The following SFTPC variants were observed in gnomAD, a reference collection of about 807,000 sequenced individuals.
The protein encoded by SFTPC is BRICHOS domain containing 6.
In SFTPC, 12 loss-of-function variants were observed where a neutral mutation model predicts 19.9. The observed-to-expected ratio is 0.60, with a 90% CI of 0.39 to 0.98. SFTPC has a LOEUF of 0.98. Among genes scored for constraint, SFTPC ranks in the 50% least tolerant of loss-of-function variants. The probability of loss-of-function intolerance (pLI) is 0.00; values close to 1 mark genes in which losing one functional copy is unlikely to be tolerated. For synonymous variants in SFTPC, 123 were observed against 103.3 expected, an observed-to-expected ratio of 1.19 and a Z score of -1.16; for missense variants, 219 against 252.2, an observed-to-expected ratio of 0.87 and a Z score of 0.89.
In SFTPC at chr8:22,164,320, A is replaced by C; in HGVS notation, c.*73A>C. 1 of 1,536,180 alleles carries C rather than the reference A, an allele frequency of 6.5e-7. No individual in the cohort carries two copies. The highest frequency in any genetic ancestry group is 8.7e-7 in the Non-Finnish European group (1 of 1,146,914). On this transcript the variant is annotated 3_prime_UTR_variant, in exon 6 of 6. Transcript: ENST00000679463. ...ACGCCCCGGGCAAAGGGTCTTTTGC[A>C]GCTTTTGCAGACGGGCAAGAAGCTG...
At chr8:22,158,574 G>A (rs1324069150), upstream of SFTPC, 2 of 152,268 alleles carry the variant, frequency 1.3e-5, no homozygotes, top group Admixed American at 6.5e-5. Flanking sequence ...TCTGGGCTGT[G>A]TTCTTAGCTA....
At chr8:22,161,777 C>T (rs373338880), upstream of SFTPC, 5 of 1,613,828 alleles carry the variant, frequency 3.1e-6, no homozygotes, top group African/African-American at 5.3e-5. Context: ...ACATATAAGA[C>T]CCTGGTCACA....
intron 1 of SFTPC, among the ~76,000 whole-genome samples, chr8:22,162,253 C>T (rs912665799): frequency 1.1e-4 from 17 of 152,144 alleles, no homozygotes; most frequent in Admixed American, 7.9e-4. Context: ...TCTGTATCAC[C>T]GCATGGAGGT....
chr8:22,162,206 T>C (rs1349368313), intron 1 of SFTPC, among the ~76,000 whole-genome samples: 1 of 151,932 alleles, frequency 6.6e-6, no homozygotes. Flanking sequence ...GCTCGCCCGG[T>C]GGAGAAGGAG....
chr8:22,163,817 C>T (rs12542659), intron 4 of SFTPC, 84 bp from the exon 5 acceptor site: 2 of 1,267,752 alleles, frequency 1.6e-6, no homozygotes, highest in Admixed American at 3.5e-5. Context: ...GAGAGATTGC[C>T]TGATATACCT....
At position 22,164,021 on chromosome 8, in the gene SFTPC, G is replaced by T. The variant is rs1371487903; in HGVS notation, c.556G>T (p.Val186Leu). 1.2e-6 allele frequency: 2 copies of T among 1,612,172 alleles called. No individual in the cohort carries two copies. The highest frequency in any genetic ancestry group is 1.7e-6 in the Non-Finnish European group (2 of 1,180,022). ...GGCCGTGAGCACCCTGTGTGGCGAG[G>T]TGCCGCTCTACTACATCTAGGACGC... ...GMAVSTLCGE[V>L]PLYYI Residue 186 changes from valine (V) to leucine (L), a missense_variant, in exon 5 of 6, where the codon GTG (valine) becomes TTG (leucine). Physicochemically the swap from Val to Leu is conservative, Grantham distance 32 (BLOSUM62 1). Transcript: ENST00000679463.
upstream of SFTPC, chr8:22,161,662 G>A: frequency 2.5e-6 from 4 of 1,594,034 alleles, no homozygotes; most frequent in Non-Finnish European, 2.6e-6. Flanking sequence ...GGGCTTATCT[G>A]GGCTTCGGTT....
rs1443130935 is a variant in SFTPC, at chr8:22,162,623, T to G, written c.92T>G (p.Val31Gly). The change falls in exon 2 of 6, where the codon GTG becomes GGG. Residue 31 changes from valine to glycine, a missense_variant. By Grantham distance (109) the Val-to-Gly change is moderately radical. Transcript: ENST00000679463. ...CGATTTGGCATTCCCTGCTGCCCAG[T>G]GCACCTGAAACGCCTTCTTATCGTG... ...RGRFGIPCCP[V>G]HLKRLLIVVV... The G allele has an allele frequency of 6.2e-7, 1 of 1,614,184 alleles. No homozygotes were observed. Among genetic ancestry groups the G allele is most frequent in the Non-Finnish European group, 8.5e-7 (1 of 1,180,012 alleles).
At chr8:22,162,379 T>A (rs78808334) in intron 1 of SFTPC, among the ~76,000 whole-genome samples, 195 bp from the exon 2 acceptor site, 132 of 152,266 alleles carry the variant, frequency 8.7e-4, no homozygotes, top group Non-Finnish European at 1.6e-3. Context: ...AGCTTCTATG[T>A]GTCTATGGGT....
chr8:22,163,638 CACTGTTCCTCATTGGCTGCCAGCTG>C (rs1183715599), intron 4 of SFTPC, 92 bp downstream of exon 4: 1 of 922,470 alleles, frequency 1.1e-6, no homozygotes, highest in East Asian at 2.5e-5. Context: ...ACCTGTAAAG[CACTGTTCCTCATTGGCTGCCAGCTG>C]ACTGCCCCTC....
chr8:22,163,224 G>C lies in SFTPC; in HGVS notation c.324+22G>C, dbSNP rs1827836469. On this transcript the variant is annotated intron_variant, in intron 3 of 5. Transcript: ENST00000679463. ...GCAGGTGGGTATGCCCAGACCTCCTGACCCTGGGACCAATGACAAGGCTCT... is the reference window on the plus strand; with the variant it reads ...GCAGGTGGGTATGCCCAGACCTCCTCACCCTGGGACCAATGACAAGGCTCT... 22 of 1,614,060 alleles carry C rather than the reference G, an allele frequency of 1.4e-5. No homozygotes were observed. In the East Asian group the frequency reaches 4.2e-4, roughly 31 times the overall value.
chr8:22,163,598 G>A (rs1563224223), intron 4 of SFTPC, 52 bp downstream of exon 4: 2 of 1,302,360 alleles, frequency 1.5e-6, no homozygotes, highest in East Asian at 2.3e-5. Context: ...AGGGCTGCTG[G>A]GAGGAGTGTC....
chr8:22,159,449 G>A, upstream of SFTPC: 2 of 316,220 alleles, frequency 6.3e-6, no homozygotes, highest in Non-Finnish European at 6.2e-6. Context: ...CCCAGCTAAA[G>A]GTCCTTCTGT....
upstream of SFTPC, among the ~76,000 whole-genome samples, chr8:22,159,313 A>G (rs76748938): frequency 3.3e-5 from 5 of 152,178 alleles, no homozygotes; most frequent in Non-Finnish European, 5.9e-5. Flanking sequence ...TAAAATAAAA[A>G]TAAAACCGGA....
chr8:22,162,894 T>C (rs1422100155), intron 2 of SFTPC, among the ~76,000 whole-genome samples, 162 bp downstream of exon 2: 1 of 152,128 alleles, frequency 6.6e-6, no homozygotes. Flanking sequence ...CAGCTCAGGC[T>C]TTTCCACAAG....
chr8:22,160,011 C>T (rs1426963656), upstream of SFTPC, among the ~76,000 whole-genome samples: 3 of 152,164 alleles, frequency 2.0e-5, no homozygotes, highest in East Asian at 5.8e-4. Context: ...TCTGTGGGCT[C>T]CCCCTCCTCC....
chr8:22,160,208 C>A (rs910089049), upstream of SFTPC, among the ~76,000 whole-genome samples: 1 of 152,152 alleles, frequency 6.6e-6, no homozygotes, highest in African/African-American at 2.4e-5. Context: ...AACCTTGGGG[C>A]TGAAGGCCCT....
chr8:22,163,836 A>G, intron 4 of SFTPC, 65 bp from the exon 5 acceptor site: 1 of 1,435,520 alleles, frequency 7.0e-7, no homozygotes, highest in Non-Finnish European at 9.8e-7. Flanking sequence ...CTGAAGTCCC[A>G]CAATAAGGGC....
At chr8:22,161,650 G>T, upstream of SFTPC, 1 of 1,582,356 alleles carries the variant, frequency 6.3e-7, no homozygotes. Context: ...GGCTCTCACA[G>T]GGGGCTTATC....
Sources: allele counts gnomAD v4.1 joint callset (sites outside exome capture counted in the v4.1 genomes callset), GRCh38; gene constraint gnomAD v4.1.1; transcripts MANE v1.5; gene names NCBI Gene and HGNC (gene_info 2026-07-23, HGNC 2026-07-21).